Variants in TRAPPC6B observed in about 807,000 individuals in gnomAD.
The protein encoded by TRAPPC6B is trafficking protein particle complex subunit 6B.
TRAPPC6B carries 27 observed loss-of-function variants against 24.7 expected under a neutral mutation model. The observed-to-expected ratio is 1.09, with a 90% CI of 0.81 to 1.51. The LOEUF (loss-of-function observed/expected upper bound fraction) is 1.51, where lower values mean the gene tolerates loss of function less well. Ranked by LOEUF, TRAPPC6B falls within the 40% of genes most tolerant of loss-of-function variation. The pLI, the probability that TRAPPC6B is intolerant of heterozygous loss-of-function variation, is 0.00. For missense variants in TRAPPC6B, 212 were observed against 190.8 expected, an observed-to-expected ratio of 1.11 and a Z score of -0.66; for synonymous variants, 80 against 66.6, an observed-to-expected ratio of 1.20 and a Z score of -0.98.
intron 4 of TRAPPC6B, among the ~76,000 whole-genome samples, chr14:39,152,447 A>C (rs2052926281): frequency 6.6e-6 from 1 of 152,282 alleles, no homozygotes; most frequent in Middle Eastern, 3.4e-3. Flanking sequence ...GAGCTACAAA[A>C]CCAAAAGTCA....
chr14:39,150,278 TC>T lies in TRAPPC6B; in HGVS notation c.*71del. 8.0e-7 allele frequency: 1 copy of T among 1,252,418 alleles called. No individual in the cohort carries two copies. The allele number at this position is 1,252,418 out of a possible 1,614,324, so 77.6% of individuals were successfully genotyped here. A position where few individuals can be genotyped will look rare whatever the true frequency, so the allele number is the denominator to read the frequency against. On this transcript the variant is annotated 3_prime_UTR_variant, in exon 6 of 6. Transcript: ENST00000330149. The stretch of plus-strand genomic sequence containing the variant: ...AACATCGAACAATGTAATTAAATCA[TC>T]ACTACTTGAAATACTTTTACATGAA...
At chr14:39,156,302 T>C (rs558806501) in intron 3 of TRAPPC6B, among the ~76,000 whole-genome samples, 4 of 152,288 alleles carry the variant, frequency 2.6e-5, no homozygotes, top group South Asian at 4.2e-4. Context: ...CTGGAAAACA[T>C]AGTGAGACAC....
rs1240428809 is a variant in TRAPPC6B at position 39,159,484 on chromosome 14, T to C, written c.148A>G (p.Arg50Gly). ...GFRVGQGLIE[R>G]FTKDTARFKD... The stretch of plus-strand genomic sequence containing the variant: ...AATTTTCAAATCCAACCTGCTCACC[T>C]TTCTATCAATCCTTGTCCCACTCGA... Residue 50 changes from arginine (R) to glycine (G), a missense_variant and splice_region_variant, in exon 2 of 6, where the codon AGG becomes GGG. Transcript: ENST00000330149. 6.3e-7 allele frequency: 1 copy of C among 1,587,850 alleles called. No homozygotes were observed. The highest frequency in any genetic ancestry group is 1.2e-5 in the South Asian group (1 of 86,506).
In TRAPPC6B at chr14:39,170,216, T is replaced by C. The variant is rs1002642300; in HGVS notation, c.-121A>G. The C allele has an allele frequency of 2.0e-5, 18 of 889,938 alleles. No homozygotes were observed. The East Asian group carries it at 4.0e-4, about 20-fold the overall frequency. 55.1% of individuals were successfully genotyped at this position (889,938 alleles called of 1,614,324 possible). The stretch of plus-strand genomic sequence containing the variant: ...CTCCGTCAGGCCGCCATTCTATCCC[T>C]GTGGCTAAGAGACCGAGGTATTCAC... On this transcript the variant is annotated 5_prime_UTR_variant, in exon 1 of 6. Coordinates refer to ENST00000330149, the MANE Select transcript of TRAPPC6B (RefSeq NM_001079537.2).
rs796927716 is a variant in TRAPPC6B, at chr14:39,153,703, C to T, written c.351+508G>A. ...TTTAGTTATAGTGTTTCTTTTTTTTCTTTTTTTTTTTTTTTGAGATGGAGT... is the reference window on the plus strand; with the variant it reads ...TTTAGTTATAGTGTTTCTTTTTTTTTTTTTTTTTTTTTTTTGAGATGGAGT... On this transcript the variant is annotated intron_variant, in intron 4 of 5. Coordinates refer to ENST00000330149, the MANE Select transcript of TRAPPC6B (RefSeq NM_001079537.2). 1.6e-3 allele frequency among the ~76,000 whole-genome samples: 206 copies of T among 129,066 alleles called. 1 individual carries two copies. The highest frequency in any genetic ancestry group is 5.1e-3 in the African/African-American group (175 of 34,516). The allele number at this position is 129,066 out of a possible 152,430, so 84.7% of individuals were successfully genotyped here. A position where few individuals can be genotyped will look rare whatever the true frequency, so the allele number is the denominator to read the frequency against.
intron 1 of TRAPPC6B, among the ~76,000 whole-genome samples, chr14:39,162,114 C>T (rs1795915293): frequency 6.6e-6 from 1 of 152,120 alleles, no homozygotes; most frequent in South Asian, 2.1e-4. Flanking sequence ...AAGGAAAAAC[C>T]GCAGTGTCCA....
At position 39,148,378 on chromosome 14, in the gene TRAPPC6B, TCA is replaced by T. The variant is rs2052877948; in HGVS notation, c.*1970_*1971del. 3.3e-6 allele frequency: 1 copy of T among 306,750 alleles called. No homozygotes were observed. Among genetic ancestry groups the T allele is most frequent in the South Asian group, 1.6e-4 (1 of 6,164 alleles). 19.0% of individuals were successfully genotyped at this position (306,750 alleles called of 1,614,324 possible). On this transcript the variant is annotated 3_prime_UTR_variant, in exon 6 of 6. Transcript: ENST00000330149. ...GATTGGCACAGAATCTAATCAACACTCACCCTCTCTAGGCTAGGGAAGCACCC... is the reference window on the plus strand; with the variant it reads ...GATTGGCACAGAATCTAATCAACACTCCCTCTCTAGGCTAGGGAAGCACCC...
chr14:39,152,636 G>C (rs888803129), intron 4 of TRAPPC6B, among the ~76,000 whole-genome samples: 3 of 152,124 alleles, frequency 2.0e-5, no homozygotes, highest in Admixed American at 1.3e-4. Context: ...TTTTAAGCTG[G>C]AAGAGGCCTT....
intron 3 of TRAPPC6B, chr14:39,157,379 A>G (rs2052995131): frequency 6.0e-6 from 2 of 331,092 alleles, no homozygotes; most frequent in African/African-American, 2.2e-5. Flanking sequence ...CCAAAGACAA[A>G]GCAAGAAAAT....
chr14:39,154,543 C>A (rs1039183876), intron 3 of TRAPPC6B, among the ~76,000 whole-genome samples: 2 of 152,078 alleles, frequency 1.3e-5, no homozygotes, highest in African/African-American at 4.8e-5. Context: ...CCGCAGGCTC[C>A]CAAGTAGCTG....
chr14:39,158,206 T>C, intron 3 of TRAPPC6B, 79 bp downstream of exon 3: 1 of 784,020 alleles, frequency 1.3e-6, no homozygotes, highest in Non-Finnish European at 2.0e-6. Context: ...TTATTTTAGG[T>C]TTTAAATAAG....
chr14:39,162,596 T>G lies in TRAPPC6B; in HGVS notation c.82-3046A>C, dbSNP rs1252423570. Among the ~76,000 whole-genome samples, 3 of 152,222 alleles carry G rather than the reference T, an allele frequency of 2.0e-5. No individual in the cohort carries two copies. In the East Asian group the frequency reaches 5.8e-4, roughly 29 times the overall value. On this transcript the variant is annotated intron_variant, in intron 1 of 5. Transcript: ENST00000330149. ...CTAGGTTATAAAACCTGGTATCACC[T>G]TTGATGTTTTTCCCTGAGTCATTTG... is the stretch of plus-strand genomic sequence containing the variant.
rs755195487 is a variant in TRAPPC6B at position 39,158,270 on chromosome 14, A to C, written c.267+15T>G. ...TAAAGGACTTTAAAATATAGGCCTTAATTAATTTAATTACCTGATGATTTG... is the reference window on the plus strand; with the variant it reads ...TAAAGGACTTTAAAATATAGGCCTTCATTAATTTAATTACCTGATGATTTG... On this transcript the variant is annotated intron_variant, in intron 3 of 5. Coordinates refer to ENST00000330149, the MANE Select transcript of TRAPPC6B (RefSeq NM_001079537.2). The C allele has an allele frequency of 1.4e-6, 2 of 1,384,930 alleles. No individual in the cohort carries two copies. Among genetic ancestry groups the C allele is most frequent in the East Asian group, 2.3e-5 (1 of 43,326 alleles). 85.8% of individuals were successfully genotyped at this position (1,384,930 alleles called of 1,614,324 possible).
At chr14:39,169,513 C>T (rs1191151635) in intron 1 of TRAPPC6B, among the ~76,000 whole-genome samples, 2 of 152,056 alleles carry the variant, frequency 1.3e-5, no homozygotes, top group East Asian at 3.9e-4. Flanking sequence ...AATTATGTTC[C>T]CTAATTATCC....
chr14:39,155,095 G>A (rs766296829), intron 3 of TRAPPC6B, among the ~76,000 whole-genome samples: 1 of 151,650 alleles, frequency 6.6e-6, no homozygotes, highest in African/African-American at 2.4e-5. Context: ...CACCCGGCTA[G>A]TTTTATTAAT....
At chr14:39,162,365 C>A (rs56404404) in intron 1 of TRAPPC6B, among the ~76,000 whole-genome samples, 12,527 of 151,816 alleles carry the variant, frequency 0.083, 570 homozygotes, top group African/African-American at 0.12. Context: ...CTCTGTTACC[C>A]AGGCTGGTCT....
intron 1 of TRAPPC6B, among the ~76,000 whole-genome samples, chr14:39,163,317 G>A (rs2053077805): frequency 6.8e-6 from 1 of 148,040 alleles, no homozygotes; most frequent in South Asian, 2.1e-4. Context: ...ATTGCAGCGA[G>A]CCGAGATCAT....
In TRAPPC6B at chr14:39,159,559, A is replaced by T. The variant is rs369378056; in HGVS notation, c.82-9T>A. 1.2e-4 allele frequency: 191 copies of T among 1,596,300 alleles called. No homozygotes were observed. Among genetic ancestry groups the T allele is most frequent in the Non-Finnish European group, 1.6e-4 (184 of 1,169,080 alleles). On this transcript the variant is annotated splice_polypyrimidine_tract_variant and intron_variant, in intron 1 of 5. Transcript: ENST00000330149. ...ATACATCGTCCGTTTTCCTATTTTA[A>T]AAAACAATAGTTTTAAATACTTTTA...
chr14:39,155,224 C>T (rs1303284223), intron 3 of TRAPPC6B, among the ~76,000 whole-genome samples: 1 of 152,056 alleles, frequency 6.6e-6, no homozygotes, highest in African/African-American at 2.4e-5. Flanking sequence ...TCACCACACC[C>T]GACCTAATTT....
Sources: allele counts gnomAD v4.1 joint callset (sites outside exome capture counted in the v4.1 genomes callset), GRCh38; gene constraint gnomAD v4.1.1; transcripts MANE v1.5; gene names NCBI Gene and HGNC (gene_info 2026-07-23, HGNC 2026-07-21).